The following KCNK2 variants were observed in gnomAD, a reference collection of about 807,000 sequenced individuals.
KCNK2 encodes the protein potassium channel subfamily K member 2.
KCNK2 carries 21 observed loss-of-function variants against 40.5 expected under a neutral mutation model. The ratio of observed to expected loss-of-function variants is 0.52; its 90% confidence interval spans 0.37 to 0.75. KCNK2 has a LOEUF of 0.75. Among genes scored for constraint, KCNK2 ranks in the 30% least tolerant of loss-of-function variants. KCNK2 has a pLI of 0.00. For missense variants in KCNK2, 399 were observed against 531.6 expected (o/e 0.75, Z 2.45); for synonymous variants, 191 against 202.2 (o/e 0.94, Z 0.47).
chr1:215,055,636 A>G lies in KCNK2; in HGVS notation c.35-30732A>G, dbSNP rs1658132249. 3.3e-5 allele frequency among the ~76,000 whole-genome samples: 5 copies of G among 152,182 alleles called. No individual in the cohort carries two copies. The South Asian group carries it at 1.0e-3, about 32-fold the overall frequency. On this transcript the variant is annotated intron_variant, in intron 1 of 6. Transcript: ENST00000391895. ...CTTTTCTCCACTTGAATAAAGAGAA[A>G]GTTTTCTAGTCTTTCTTCTTTCCAT...
intron 1 of KCNK2, among the ~76,000 whole-genome samples, chr1:215,033,494 T>C (rs1193123947): frequency 6.6e-6 from 1 of 152,164 alleles, no homozygotes; most frequent in Non-Finnish European, 1.5e-5. Flanking sequence ...GTAAATAGGC[T>C]TTTAGTAATG....
At chr1:215,007,651 AC>A (rs1656231282) in intron 1 of KCNK2, among the ~76,000 whole-genome samples, 1 of 152,128 alleles carries the variant, frequency 6.6e-6, no homozygotes, top group African/African-American at 2.4e-5. Flanking sequence ...CAAGTAGGAA[AC>A]AAAAATGCTG....
At position 215,171,961 on chromosome 1, in the gene KCNK2, T is replaced by A. The variant is rs773186285; in HGVS notation, c.637-36T>A. The A allele has an allele frequency of 4.2e-6, 6 of 1,429,554 alleles. No homozygotes were observed. In the Middle Eastern group the frequency reaches 7.3e-4, roughly 174 times the overall value. 88.6% of individuals were successfully genotyped at this position (1,429,554 alleles called of 1,614,324 possible). ...CTCTCTCCCCCCATTTATATACATATATATATATACACACACCTTTCTGTC... is the reference window on the plus strand; with the variant it reads ...CTCTCTCCCCCCATTTATATACATAAATATATATACACACACCTTTCTGTC... On this transcript the variant is annotated intron_variant, in intron 4 of 6. Coordinates refer to ENST00000444842, the MANE Select transcript of KCNK2 (RefSeq NM_001017425.3).
intron 1 of KCNK2, among the ~76,000 whole-genome samples, chr1:215,012,714 A>AT (rs1024900799): frequency 8.5e-5 from 9 of 106,082 alleles, no homozygotes; most frequent in East Asian, 5.3e-4. Flanking sequence ...CATCATTATT[A>AT]TTTTTTTTAA....
chr1:215,223,521 A>C (rs1176275646), intron 6 of KCNK2, among the ~76,000 whole-genome samples: 1 of 152,142 alleles, frequency 6.6e-6, no homozygotes, highest in Non-Finnish European at 1.5e-5. Flanking sequence ...AGATTGTAGG[A>C]CTGCAAGGGA....
chr1:215,055,008 G>T (rs1302225357), intron 1 of KCNK2, among the ~76,000 whole-genome samples: 2 of 152,038 alleles, frequency 1.3e-5, no homozygotes, highest in African/African-American at 4.8e-5. Context: ...AAAATTCTGT[G>T]GTAATTGGAT....
intron 5 of KCNK2, among the ~76,000 whole-genome samples, chr1:215,192,008 G>C (rs578168237): frequency 2.4e-4 from 36 of 152,242 alleles, no homozygotes; most frequent in African/African-American, 8.7e-4. Flanking sequence ...AAATAGGTAG[G>C]TTTCCTCAAC....
At chr1:215,208,203 T>C (rs1661824929) in intron 6 of KCNK2, among the ~76,000 whole-genome samples, 1 of 152,202 alleles carries the variant, frequency 6.6e-6, no homozygotes, top group African/African-American at 2.4e-5. Context: ...TTATGTCTTT[T>C]GTGGGAACAT....
intron 6 of KCNK2, among the ~76,000 whole-genome samples, chr1:215,210,006 TATATAATATATAATATATATTA>T (rs1161444431): frequency 0.45 from 35,587 of 78,476 alleles, 6,685 homozygotes; most frequent in South Asian, 0.64. Flanking sequence ...ATATATATTA[TATATAATATATAATATATATTA>T]TATATAATAT....
intron 6 of KCNK2, among the ~76,000 whole-genome samples, chr1:215,206,252 C>T (rs1665310911): frequency 6.6e-6 from 1 of 151,794 alleles, no homozygotes; most frequent in East Asian, 1.9e-4. Context: ...AATGTGTTTT[C>T]AAAAAATCAA....
chr1:215,181,795 T>C (rs6694217), intron 5 of KCNK2, among the ~76,000 whole-genome samples: 311 of 152,354 alleles, frequency 2.0e-3, no homozygotes, highest in African/African-American at 7.3e-3. Context: ...TATCTTTCTG[T>C]TGCATAAGGC....
chr1:215,196,668 T>C (rs1353232030), intron 6 of KCNK2, among the ~76,000 whole-genome samples: 1 of 152,048 alleles, frequency 6.6e-6, no homozygotes, highest in Non-Finnish European at 1.5e-5. Flanking sequence ...GCTCATTGTA[T>C]GTGGTGTGCG....
chr1:215,072,972 T>C (rs549053643), intron 1 of KCNK2, among the ~76,000 whole-genome samples: 33 of 152,068 alleles, frequency 2.2e-4, no homozygotes, highest in African/African-American at 7.2e-4. Flanking sequence ...ACAGAGGTAA[T>C]GAAGTTAAAA....
At chr1:215,056,809 T>C (rs1658186801) in intron 1 of KCNK2, among the ~76,000 whole-genome samples, 1 of 151,968 alleles carries the variant, frequency 6.6e-6, no homozygotes. Flanking sequence ...TCAGTCAGGC[T>C]GCAGAGACCA....
intron 1 of KCNK2, among the ~76,000 whole-genome samples, chr1:215,034,351 ATT>A (rs35287643): frequency 0.53 from 78,641 of 147,182 alleles, 20,976 homozygotes; most frequent in Non-Finnish European, 0.57. Context: ...TGTTGTTTTC[ATT>A]TTTTTTTTTT....
intron 1 of KCNK2, among the ~76,000 whole-genome samples, chr1:215,065,409 AAAAAAG>A (rs889695829): frequency 2.6e-5 from 4 of 152,180 alleles, no homozygotes; most frequent in African/African-American, 9.7e-5. Context: ...ATTCAGAAAA[AAAAAAG>A]AAAAGGAAGA....
chr1:215,099,665 T>C (rs765356846), intron 2 of KCNK2, among the ~76,000 whole-genome samples: 3 of 151,950 alleles, frequency 2.0e-5, no homozygotes, highest in Admixed American at 1.3e-4. Context: ...GGGATCTCAG[T>C]AGACCCCATC....
intron 3 of KCNK2, among the ~76,000 whole-genome samples, chr1:215,166,130 C>T (rs1303258508): frequency 2.0e-5 from 3 of 152,048 alleles, no homozygotes; most frequent in Admixed American, 1.3e-4. Flanking sequence ...GCAGTTACCT[C>T]ACATCACCAA....
rs149533053 is a variant in KCNK2 at position 215,218,065 on chromosome 1, G to A, written c.964-16763G>A. On this transcript the variant is annotated intron_variant, in intron 6 of 6. Transcript: ENST00000444842. ...AGAGATGATGTTTCACAGGGGAATAGAGGAGTGAAGGAAGGAGTCAAAAGG... is the reference window on the plus strand; with the variant it reads ...AGAGATGATGTTTCACAGGGGAATAAAGGAGTGAAGGAAGGAGTCAAAAGG... Among the ~76,000 whole-genome samples, 238 of 152,290 alleles carry A rather than the reference G, an allele frequency of 1.6e-3. 1 individual carries two copies. The highest frequency in any genetic ancestry group is 5.4e-3 in the African/African-American group (226 of 41,568).
Sources: allele counts gnomAD v4.1 joint callset (sites outside exome capture counted in the v4.1 genomes callset), GRCh38; gene constraint gnomAD v4.1.1; transcripts MANE v1.5; gene names NCBI Gene and HGNC (gene_info 2026-07-23, HGNC 2026-07-21).